The following TPBG variants were observed in gnomAD, a reference collection of about 807,000 sequenced individuals.
The protein encoded by TPBG is 5T4 oncofetal antigen.
In TPBG, 13 loss-of-function variants were observed where a neutral mutation model predicts 19.3. The ratio of observed to expected loss-of-function variants is 0.67; its 90% CI spans 0.44 to 1.07. The LOEUF (loss-of-function observed/expected upper bound fraction) is 1.07. TPBG is among the 50% of genes least tolerant of loss of function. The probability of loss-of-function intolerance (pLI) is 0.00; values close to 1 mark genes in which losing one functional copy is unlikely to be tolerated. For missense variants in TPBG, 642 were observed against 559.6 expected (o/e 1.15, Z -1.49); for synonymous variants, 338 against 259.8 (o/e 1.30, Z -2.89).
At position 82,365,231 on chromosome 6, in the gene TPBG, C is replaced by A; in HGVS notation, c.270C>A (p.Pro90=). The stretch of plus-strand genomic sequence containing the variant: ...TGACCGAGGTGCCCACGGACCTGCC[C>A]GCCTACGTGCGCAACCTCTTCCTTA... ...RNLTEVPTDL[P]AYVRNLFLTG... Residue 90 remains proline (P), a synonymous_variant, in exon 2 of 2, where the codon CCC becomes CCA. Transcript: ENST00000369750. The A allele has an allele frequency of 6.3e-7, 1 of 1,591,430 alleles. No individual in the cohort carries two copies. The highest frequency in any genetic ancestry group is 8.5e-7 in the Non-Finnish European group (1 of 1,173,934).
At position 82,366,212 on chromosome 6, in the gene TPBG, C is replaced by T. The variant is rs940566590; in HGVS notation, c.1251C>T (p.Asn417=). Residue 417 remains asparagine (N), a synonymous_variant, in exon 2 of 2, where the codon AAC becomes AAT. Coordinates refer to ENST00000369750, the MANE Select transcript of TPBG (RefSeq NM_001376922.1). ...ADPRLTNLSS[N]SDV ...CCAGATTAACGAACCTCAGTTCTAA[C>T]TCGGATGTCTGAGAAATATTAGAGG... The T allele has an allele frequency of 1.0e-5, 16 of 1,583,200 alleles. No homozygotes were observed. The highest frequency in any genetic ancestry group is 2.6e-6 in the Non-Finnish European group (3 of 1,165,724).
Position 82,365,878 on chromosome 6 carries a change from T to C in TPBG, c.917T>C (p.Val306Ala). The C allele has an allele frequency of 6.2e-7, 1 of 1,614,158 alleles. No individual in the cohort carries two copies. The highest frequency in any genetic ancestry group is 8.5e-7 in the Non-Finnish European group (1 of 1,180,036). Reference sequence around the variant, plus strand: ...TGCGACTGCCACATGGCAGACATGGTGACCTGGCTCAAGGAAACAGAGGTA... The same window carrying C: ...TGCGACTGCCACATGGCAGACATGGCGACCTGGCTCAAGGAAACAGAGGTA... ...WVCDCHMADM[V>A]TWLKETEVVQ... Residue 306 changes from valine to alanine, a missense_variant, in exon 2 of 2, where the codon GTG (valine) becomes GCG (alanine). Transcript: ENST00000369750.
chr6:82,365,160 G>T lies in TPBG; in HGVS notation c.199G>T (p.Glu67Ter), dbSNP rs1290193896. ...GCCGGACCAGTGCCCCGCGCTGTGCGAGTGCTCCGAGGCAGCGCGCACAGT... is the reference window on the plus strand; with the variant it reads ...GCCGGACCAGTGCCCCGCGCTGTGCTAGTGCTCCGAGGCAGCGCGCACAGT... ...PLPDQCPALC[E>*]CSEAARTVKC... is the part of the protein sequence containing the mutation. Residue 67 changes from glutamate to a stop codon, truncating the protein, a stop_gained, in exon 2 of 2, where the codon GAG becomes TAG. Coordinates refer to ENST00000369750, the MANE Select transcript of TPBG (RefSeq NM_001376922.1). LOFTEE classifies it high-confidence loss of function. The T allele has an allele frequency of 6.2e-7, 1 of 1,604,936 alleles. No homozygotes were observed.
chr6:82,364,809 C>G lies in TPBG; in HGVS notation c.-153C>G, dbSNP rs1220110333. On this transcript the variant is annotated 5_prime_UTR_variant, in exon 2 of 2. Coordinates refer to ENST00000369750, the MANE Select transcript of TPBG (RefSeq NM_001376922.1). Reference sequence around the variant, plus strand: ...AGCGCCCGGTGGCGAGGGGGTTAGCCAAGTTCCGGCTGCGGCGCCACTCCC... The same window carrying G: ...AGCGCCCGGTGGCGAGGGGGTTAGCGAAGTTCCGGCTGCGGCGCCACTCCC... 4.8e-6 allele frequency: 3 copies of G among 626,942 alleles called. No individual in the cohort carries two copies. The highest frequency in any genetic ancestry group is 7.4e-6 in the Non-Finnish European group (3 of 406,132). The allele number at this position is 626,942 out of a possible 1,614,324, so 38.8% of individuals were successfully genotyped here.
Position 82,364,772 on chromosome 6 carries a change from G to C in TPBG, c.-190G>C. On this transcript the variant is annotated 5_prime_UTR_variant, in exon 2 of 2. Transcript: ENST00000369750. ...CTGGAGGGAAGGGGCGGGGGAATCG[G>C]CCCCTGAGGGAAGCGCCCGGTGGCG... is the stretch of plus-strand genomic sequence containing the variant. 2.0e-6 allele frequency: 1 copy of C among 488,728 alleles called. No homozygotes were observed. Among genetic ancestry groups the C allele is most frequent in the Non-Finnish European group, 3.5e-6 (1 of 286,762 alleles). The allele number at this position is 488,728 out of a possible 1,614,324, so 30.3% of individuals were successfully genotyped here.
chr6:82,365,964 T>C lies in TPBG; in HGVS notation c.1003T>C (p.Leu335=). Residue 335 remains leucine, a synonymous_variant, in exon 2 of 2, where the codon TTG becomes CTG. Coordinates refer to ENST00000369750, the MANE Select transcript of TPBG (RefSeq NM_001376922.1). ...GGAAAAAATGAGGAATCGGGTCCTC[T>C]TGGAACTCAACAGTGCTGACCTGGA... is the stretch of plus-strand genomic sequence containing the variant. ...YPEKMRNRVL[L]ELNSADLDCD... 3 of 1,614,086 alleles carry C rather than the reference T, an allele frequency of 1.9e-6. No individual in the cohort carries two copies. Among genetic ancestry groups the C allele is most frequent in the East Asian group, 2.2e-5 (1 of 44,872 alleles).
At position 82,365,691 on chromosome 6, in the gene TPBG, A is replaced by G. The variant is rs142111937; in HGVS notation, c.730A>G (p.Asn244Asp). 1.2e-6 allele frequency: 2 copies of G among 1,605,348 alleles called. No homozygotes were observed. The highest frequency in any genetic ancestry group is 1.7e-4 in the Middle Eastern group (1 of 6,006). ...CCTCAGGCACCTGGACTTAAGTAAT[A>G]ATTCGCTGGTGAGCCTGACCTACGT... is the stretch of plus-strand genomic sequence containing the variant. The part of the protein sequence containing the change: ...PSLRHLDLSN[N>D]SLVSLTYVSF... The change falls in exon 2 of 2, where the codon AAT (asparagine) becomes GAT (aspartate). Residue 244 changes from asparagine (N) to aspartate (D), a missense_variant. Asn to Asp is a conservative substitution (Grantham distance 23). Transcript: ENST00000369750.
Position 82,366,048 on chromosome 6 carries a change from T to C in TPBG, c.1087T>C (p.Leu363=). ...CTCTTATGTCTTCCTGGGTATTGTT[T>C]TAGCCCTGATAGGCGCTATTTTCCT... is the stretch of plus-strand genomic sequence containing the variant. ...QTSYVFLGIV[L]ALIGAIFLLV... Residue 363 remains leucine, a synonymous_variant, in exon 2 of 2, where the codon TTA becomes CTA. Coordinates refer to ENST00000369750, the MANE Select transcript of TPBG (RefSeq NM_001376922.1). 2 of 1,614,196 alleles carry C rather than the reference T, an allele frequency of 1.2e-6. No individual in the cohort carries two copies. Among genetic ancestry groups the C allele is most frequent in the Non-Finnish European group, 1.7e-6 (2 of 1,180,024 alleles).
rs561811887 is a variant in TPBG, at chr6:82,367,277, ATTTAC to A, written c.*1056_*1060del. 4.8e-5 allele frequency: 8 copies of A among 167,188 alleles called. No homozygotes were observed. The South Asian group carries it at 1.7e-3, about 35-fold the overall frequency. The allele number at this position is 167,188 out of a possible 1,614,324, so 10.4% of individuals were successfully genotyped here. On this transcript the variant is annotated 3_prime_UTR_variant, in exon 2 of 2. Transcript: ENST00000369750. ...GTTATTGTTGGTCTAGAAAAATAGT[ATTTAC>A]TTAATAAAACTCTGTTTGAAATTGT...
In TPBG at chr6:82,365,715, G is replaced by C; in HGVS notation, c.754G>C (p.Val252Leu). Residue 252 changes from valine to leucine, a missense_variant, in exon 2 of 2, where the codon GTG becomes CTG. By Grantham distance (32) the Val-to-Leu change is conservative. Transcript: ENST00000369750. ...SNNSLVSLTY[V>L]SFRNLTHLES... is the part of the protein sequence containing the mutation. Reference sequence around the variant, plus strand: ...TAATTCGCTGGTGAGCCTGACCTACGTGTCCTTCCGCAACCTGACACATCT... The same window carrying C: ...TAATTCGCTGGTGAGCCTGACCTACCTGTCCTTCCGCAACCTGACACATCT... 6.2e-7 allele frequency: 1 copy of C among 1,611,332 alleles called. No individual in the cohort carries two copies. The highest frequency in any genetic ancestry group is 8.5e-7 in the Non-Finnish European group (1 of 1,178,552).
chr6:82,363,822 G>A lies in TPBG; in HGVS notation c.-426G>A, dbSNP rs1053774532. On this transcript the variant is annotated 5_prime_UTR_variant, in exon 1 of 2. Coordinates refer to ENST00000369750, the MANE Select transcript of TPBG (RefSeq NM_001376922.1). The stretch of plus-strand genomic sequence containing the variant: ...GTTGGGCCAGGGGCTGGGGTGCGAA[G>A]AGAGTCGGCGCCCGCAACGCGGAGC... 6.6e-6 allele frequency: 1 copy of A among 152,404 alleles called. No homozygotes were observed. The highest frequency in any genetic ancestry group is 1.9e-4 in the East Asian group (1 of 5,162). The allele number at this position is 152,404 out of a possible 1,614,324, so 9.4% of individuals were successfully genotyped here.
In TPBG at chr6:82,366,978, A is replaced by G. The variant is rs1767522681; in HGVS notation, c.*754A>G. The G allele has an allele frequency of 6.0e-6, 1 of 167,076 alleles. No homozygotes were observed. Among genetic ancestry groups the G allele is most frequent in the African/African-American group, 2.4e-5 (1 of 41,470 alleles). The allele number at this position is 167,076 out of a possible 1,614,324, so 10.3% of individuals were successfully genotyped here. A position where few individuals can be genotyped will look rare whatever the true frequency, so the allele number is the denominator to read the frequency against. On this transcript the variant is annotated 3_prime_UTR_variant, in exon 2 of 2. Transcript: ENST00000369750. ...TGAAAAAAGGATGAAGGGCAGGAGT[A>G]TTCAATGGTCTTGGTTCCGATGATA...
chr6:82,365,504 C>G lies in TPBG; in HGVS notation c.543C>G (p.Asn181Lys). The G allele has an allele frequency of 6.3e-7, 1 of 1,588,022 alleles. No homozygotes were observed. The highest frequency in any genetic ancestry group is 8.5e-7 in the Non-Finnish European group (1 of 1,169,994). Residue 181 changes from asparagine to lysine, a missense_variant, in exon 2 of 2, where the codon AAC becomes AAG. Physicochemically the swap from Asn to Lys is moderately conservative, Grantham distance 94 (BLOSUM62 0). Transcript: ENST00000369750. ...APSPLVELIL[N>K]HIVPPEDERQ... ...GTCCCCTTGTGGAACTGATCCTGAA[C>G]CACATCGTGCCCCCTGAAGATGAGC...
chr6:82,365,769 C>G lies in TPBG; in HGVS notation c.808C>G (p.Leu270Val), dbSNP rs759433568. 10 of 1,614,084 alleles carry G rather than the reference C, an allele frequency of 6.2e-6. No homozygotes were observed. In the African/African-American group the frequency reaches 1.2e-4, roughly 19 times the overall value. Residue 270 changes from leucine (L) to valine (V), a missense_variant, in exon 2 of 2, where the codon CTC becomes GTC. Leu to Val is a conservative substitution (Grantham distance 32). Transcript: ENST00000369750. ...LESLHLEDNALKVLHNGTLAE... is the reference protein window; with the variant it reads ...LESLHLEDNAVKVLHNGTLAE... ...AAGCCTCCACCTGGAGGACAATGCCCTCAAGGTCCTTCACAATGGCACCCT... is the reference window on the plus strand; with the variant it reads ...AAGCCTCCACCTGGAGGACAATGCCGTCAAGGTCCTTCACAATGGCACCCT...
Sources: gnomAD v4.1 joint callset for allele counts on GRCh38, gnomAD v4.1.1 for gene constraint, MANE v1.5 for transcripts, NCBI Gene and HGNC (gene_info 2026-07-23, HGNC 2026-07-21) for gene names.